Variants in RPSA2 observed in about 807,000 individuals in gnomAD.
The protein encoded by RPSA2 is ribosomal protein SA 2.
the RPSA2 span, among the ~76,000 whole-genome samples, chr19:23,778,994 A>ATTT: frequency 1.1e-4 from 3 of 26,694 alleles, no homozygotes; most frequent in African/African-American, 4.1e-4. Context: ...TTTTTGTGAC[A>ATTT]CTTTTTTTTT....
the RPSA2 span, chr19:23,790,810 A>C: frequency 0.059 from 31,900 of 544,394 alleles, 1,403 homozygotes; most frequent in South Asian, 0.068. Context: ...GAGAGGGGCA[A>C]GGGCTGGTTG....
At chr19:23,835,439 G>C in the RPSA2 span, among the ~76,000 whole-genome samples, 2 of 152,030 alleles carry the variant, frequency 1.3e-5, no homozygotes, top group Admixed American at 1.3e-4. Flanking sequence ...TAATTCACTA[G>C]AAAACAAAAA....
the RPSA2 span, among the ~76,000 whole-genome samples, chr19:23,765,285 T>C: frequency 7.2e-5 from 11 of 152,342 alleles, no homozygotes; most frequent in Admixed American, 7.2e-4. Flanking sequence ...CAATCCATTA[T>C]TGGGTATTTA....
chr19:23,801,512 A>G, the RPSA2 span, among the ~76,000 whole-genome samples: 1 of 152,156 alleles, frequency 6.6e-6, no homozygotes, highest in African/African-American at 2.4e-5. Flanking sequence ...AAATGTTGGG[A>G]TTACAGGCGT....
At chr19:23,765,260 T>A in the RPSA2 span, among the ~76,000 whole-genome samples, 1 of 152,196 alleles carries the variant, frequency 6.6e-6, no homozygotes, top group East Asian at 1.9e-4. Context: ...AAGACAGGAA[T>A]ACCATTTGAC....
At chr19:23,852,737 C>T in the RPSA2 span, among the ~76,000 whole-genome samples, 1 of 152,146 alleles carries the variant, frequency 6.6e-6, no homozygotes, top group Non-Finnish European at 1.5e-5. Flanking sequence ...TGTTTATGGC[C>T]AGTCTTGGGG....
At chr19:23,785,523 G>GAAAGCA in the RPSA2 span, among the ~76,000 whole-genome samples, 4 of 152,120 alleles carry the variant, frequency 2.6e-5, no homozygotes, top group African/African-American at 9.7e-5. Context: ...TTTTACCATA[G>GAAAGCA]AAAGCATTGT....
At chr19:23,861,389 C>A in the RPSA2 span, among the ~76,000 whole-genome samples, 2 of 152,142 alleles carry the variant, frequency 1.3e-5, no homozygotes, top group Non-Finnish European at 2.9e-5. Flanking sequence ...AGAGCCCCCC[C>A]ACTACCCACC....
the RPSA2 span, among the ~76,000 whole-genome samples, chr19:23,765,665 TA>T: frequency 1.3e-5 from 2 of 152,130 alleles, no homozygotes; most frequent in African/African-American, 2.4e-5. Context: ...AAAAATAACT[TA>T]TGGGTAGTAG....
the RPSA2 span, among the ~76,000 whole-genome samples, chr19:23,833,642 T>C: frequency 3.3e-5 from 5 of 152,092 alleles, no homozygotes; most frequent in South Asian, 8.3e-4. Context: ...AGAACAAATG[T>C]GCAAATATAA....
At chr19:23,846,590 A>G in the RPSA2 span, among the ~76,000 whole-genome samples, 5 of 152,330 alleles carry the variant, frequency 3.3e-5, no homozygotes, top group Admixed American at 2.0e-4. Flanking sequence ...ATTTGTCAGG[A>G]TAAGACTTTA....
chr19:23,812,951 C>A, the RPSA2 span, among the ~76,000 whole-genome samples: 1 of 152,034 alleles, frequency 6.6e-6, no homozygotes, highest in Non-Finnish European at 1.5e-5. Flanking sequence ...CACAGCCAGG[C>A]ATAGTGGTGG....
chr19:23,823,898 G>C, the RPSA2 span: 30 of 152,200 alleles, frequency 2.0e-4, no homozygotes, highest in African/African-American at 6.8e-4. Context: ...CTGGCTTGGG[G>C]TCTCACACCT....
the RPSA2 span, among the ~76,000 whole-genome samples, chr19:23,822,145 G>A: frequency 6.6e-6 from 1 of 152,098 alleles, no homozygotes; most frequent in Non-Finnish European, 1.5e-5. Context: ...CCATCAATTC[G>A]CTGGAGTACT....
At chr19:23,758,791 C>T in the RPSA2 span, 4 of 1,613,930 alleles carry the variant, frequency 2.5e-6, no homozygotes, top group African/African-American at 4.0e-5. Context: ...CTATGGATCG[C>T]CAATACCTGC....
the RPSA2 span, among the ~76,000 whole-genome samples, chr19:23,806,007 CT>C: frequency 0.012 from 1,585 of 137,532 alleles, 16 homozygotes; most frequent in South Asian, 0.02. Context: ...GTCTGTCTAT[CT>C]ATCTATCTAT....
the RPSA2 span, among the ~76,000 whole-genome samples, chr19:23,792,902 A>C: frequency 6.6e-6 from 1 of 152,132 alleles, no homozygotes; most frequent in African/African-American, 2.4e-5. Context: ...TTGGAGGGGA[A>C]TGTTTAAATT....
At chr19:23,819,735 G>A in the RPSA2 span, among the ~76,000 whole-genome samples, 2 of 152,258 alleles carry the variant, frequency 1.3e-5, no homozygotes, top group Non-Finnish European at 1.5e-5. Context: ...GTTTGGTGGG[G>A]GTGTACCTCA....
At chr19:23,800,867 C>T in the RPSA2 span, among the ~76,000 whole-genome samples, 3 of 152,246 alleles carry the variant, frequency 2.0e-5, no homozygotes, top group South Asian at 4.1e-4. Flanking sequence ...CCCACCTTAG[C>T]CCCCAAAGTG....
Sources: allele counts gnomAD v4.1 joint callset (sites outside exome capture counted in the v4.1 genomes callset), GRCh38; gene constraint gnomAD v4.1.1; transcripts MANE v1.5; gene names NCBI Gene and HGNC (gene_info 2026-07-23, HGNC 2026-07-21).